RPTOR: variants seen among roughly 807,000 people sequenced by gnomAD.
RPTOR encodes regulatory associated protein of MTOR complex 1.
In RPTOR, 21 loss-of-function variants were observed where a neutral mutation model predicts 169.9. The observed-to-expected ratio is 0.12, with a 90% CI of 0.09 to 0.18. RPTOR has a LOEUF of 0.18. Ranked by LOEUF, RPTOR falls within the 10% of genes least tolerant of loss-of-function variation. The pLI is 1.00. For synonymous variants in RPTOR, 732 were observed against 753.2 expected (o/e 0.97, Z 0.46); for missense variants, 1,133 against 1,855.9 (o/e 0.61, Z 7.16).
intron 11 of RPTOR, 95 bp downstream of exon 11, chr17:80,846,669 C>G: frequency 9.8e-7 from 1 of 1,018,854 alleles, no homozygotes; most frequent in Non-Finnish European, 1.5e-6. Context: ...TCTCCCTGAG[C>G]CCTGTGGGTC....
At chr17:80,666,618 TTCTAAG>T (rs1357500576) in intron 3 of RPTOR, among the ~76,000 whole-genome samples, 1 of 152,162 alleles carries the variant, frequency 6.6e-6, no homozygotes, top group Non-Finnish European at 1.5e-5. Flanking sequence ...TGGCAAAGAA[TTCTAAG>T]TCTGATAGGG....
At chr17:80,625,048 A>C (rs1267746592) in intron 1 of RPTOR, among the ~76,000 whole-genome samples, 1 of 152,212 alleles carries the variant, frequency 6.6e-6, no homozygotes, top group Non-Finnish European at 1.5e-5. Flanking sequence ...AGAGCCGGCC[A>C]GGTGACCCGG....
chr17:80,573,210 C>G (rs889174865), intron 1 of RPTOR, among the ~76,000 whole-genome samples: 1 of 152,154 alleles, frequency 6.6e-6, no homozygotes, highest in Non-Finnish European at 1.5e-5. Context: ...GAAGGAAGCA[C>G]TTGTTTTTCT....
At chr17:80,883,001 C>T (rs1598376118) in intron 14 of RPTOR, among the ~76,000 whole-genome samples, 1 of 152,202 alleles carries the variant, frequency 6.6e-6, no homozygotes, top group Non-Finnish European at 1.5e-5. Context: ...AAGGAGAAAC[C>T]AGTGAAACCT....
Position 80,651,590 on chromosome 17 carries a change from G to A in RPTOR, c.348+7780G>A, listed in dbSNP as rs148530994. Among the ~76,000 whole-genome samples, 228 of 152,344 alleles carry A rather than the reference G, an allele frequency of 1.5e-3. No individual in the cohort carries two copies. The highest frequency in any genetic ancestry group is 5.3e-3 in the African/African-American group (220 of 41,586). ...AACGTCAAGTTCACCATTTTAAAGTGTACAACTTGGCTGGGCGCAGTGGCT... is the reference window on the plus strand; with the variant it reads ...AACGTCAAGTTCACCATTTTAAAGTATACAACTTGGCTGGGCGCAGTGGCT... On this transcript the variant is annotated intron_variant, in intron 3 of 33. Transcript: ENST00000306801. The surrounding 1 kb of genome is among the most constrained non-coding windows in gnomAD (Gnocchi z 4.1).
chr17:80,572,757 T>C (rs1278429740), intron 1 of RPTOR, among the ~76,000 whole-genome samples: 1 of 152,124 alleles, frequency 6.6e-6, no homozygotes, highest in Admixed American at 6.6e-5. Flanking sequence ...AATCTCAAAA[T>C]CTTTCCACTC....
intron 3 of RPTOR, among the ~76,000 whole-genome samples, chr17:80,706,807 G>T (rs552297663): frequency 6.6e-6 from 1 of 152,166 alleles, no homozygotes; most frequent in East Asian, 1.9e-4. Context: ...TGAATTAAAC[G>T]AGCGAGAGCT....
chr17:80,707,832 CT>C lies in RPTOR; in HGVS notation c.349-8del, dbSNP rs778562711. On this transcript the variant is annotated splice_polypyrimidine_tract_variant and splice_region_variant and intron_variant, in intron 3 of 33. Transcript: ENST00000306801. The surrounding 1 kb of genome is among the most constrained non-coding windows in gnomAD (Gnocchi z 5.0). ...GTGGTAAATTTCTTCATTTCTTCTC[CT>C]GCAACAGGCCCGGTACAAGCAGAGC... is the stretch of plus-strand genomic sequence containing the variant. 5.0e-6 allele frequency: 8 copies of C among 1,606,994 alleles called. No homozygotes were observed. The African/African-American group carries it at 1.1e-4, about 22-fold the overall frequency.
At chr17:80,554,506 G>T (rs1034607505) in intron 1 of RPTOR, among the ~76,000 whole-genome samples, 1 of 152,060 alleles carries the variant, frequency 6.6e-6, no homozygotes, top group Non-Finnish European at 1.5e-5. Flanking sequence ...CACTTTGGGA[G>T]ACTGAGGCGG....
chr17:80,914,085 A>G (rs1169971462), intron 21 of RPTOR, among the ~76,000 whole-genome samples: 1 of 152,220 alleles, frequency 6.6e-6, no homozygotes, highest in Admixed American at 6.5e-5. Context: ...GCAGACGGAG[A>G]TGAGAAAGGG....
Position 80,823,820 on chromosome 17 carries a change from C to T in RPTOR, c.1136+597C>T, listed in dbSNP as rs1403133405. ...TTAGTCTAGACATTATATTTGAAGACGTTTGGTTTCTTTCTGTTCTGTGGC... is the reference window on the plus strand; with the variant it reads ...TTAGTCTAGACATTATATTTGAAGATGTTTGGTTTCTTTCTGTTCTGTGGC... On this transcript the variant is annotated intron_variant, in intron 9 of 33. Coordinates refer to ENST00000306801, the MANE Select transcript of RPTOR (RefSeq NM_020761.3). The surrounding 1 kb of genome is among the most constrained non-coding windows in gnomAD (Gnocchi z 4.5). Among the ~76,000 whole-genome samples the T allele has an allele frequency of 6.6e-6, 1 of 152,092 alleles. No homozygotes were observed. Among genetic ancestry groups the T allele is most frequent in the East Asian group, 1.9e-4 (1 of 5,194 alleles).
intron 1 of RPTOR, among the ~76,000 whole-genome samples, chr17:80,600,837 T>C (rs1341796148): frequency 3.3e-5 from 5 of 151,922 alleles, no homozygotes; most frequent in East Asian, 1.9e-4. Flanking sequence ...TTTCCAGAGA[T>C]GACCGCAGCA....
At position 80,861,407 on chromosome 17, in the gene RPTOR, T is replaced by G. The variant is rs563203897; in HGVS notation, c.1509+3507T>G. 1.4e-5 allele frequency among the ~76,000 whole-genome samples: 2 copies of G among 145,124 alleles called. No individual in the cohort carries two copies. The highest frequency in any genetic ancestry group is 4.0e-4 in the East Asian group (2 of 5,048). On this transcript the variant is annotated intron_variant, in intron 13 of 33. Coordinates refer to ENST00000306801, the MANE Select transcript of RPTOR (RefSeq NM_020761.3). This position sits in a 1 kb window ranked among gnomAD's most constrained non-coding sequence, Gnocchi z 4.5. ...TTTCTTGCTAAACAGAAAGCTTGGC[T>G]TTGTGGATCAGGACGCGAGAGGTGT... is the stretch of plus-strand genomic sequence containing the variant.
In RPTOR at chr17:80,764,370, T is replaced by G. The variant is rs532203685; in HGVS notation, c.830+10185T>G. On this transcript the variant is annotated intron_variant, in intron 6 of 33. Coordinates refer to ENST00000306801, the MANE Select transcript of RPTOR (RefSeq NM_020761.3). ...TGTTCCCCTTCCTGTGTCCATGTGT[T>G]CTCATTGTTCAGTTCCCACCTATGA... Among the ~76,000 whole-genome samples the G allele has an allele frequency of 2.8e-5, 4 of 144,094 alleles. No individual in the cohort carries two copies. The South Asian group carries it at 6.6e-4, about 24-fold the overall frequency. 94.5% of individuals were successfully genotyped at this position (144,094 alleles called of 152,430 possible).
In RPTOR at chr17:80,936,518, T is replaced by A. The variant is rs1307560411; in HGVS notation, c.2920-3978T>A. Among the ~76,000 whole-genome samples, 1 of 152,150 alleles carries A rather than the reference T, an allele frequency of 6.6e-6. No individual in the cohort carries two copies. The highest frequency in any genetic ancestry group is 2.4e-5 in the African/African-American group (1 of 41,434). ...AATGAAAGACTCATCAGAACAATAT[T>A]TAAATAAACTATTGATAAACGCAGT... On this transcript the variant is annotated intron_variant, in intron 24 of 33. Coordinates refer to ENST00000306801, the MANE Select transcript of RPTOR (RefSeq NM_020761.3). This position sits in a 1 kb window ranked among gnomAD's most constrained non-coding sequence, Gnocchi z 4.1.
chr17:80,644,741 C>T (rs572989595), intron 3 of RPTOR, among the ~76,000 whole-genome samples: 2 of 152,284 alleles, frequency 1.3e-5, no homozygotes, highest in Non-Finnish European at 2.9e-5. Flanking sequence ...ATTCCTTATA[C>T]ATTATTTACA....
At position 80,860,132 on chromosome 17, in the gene RPTOR, C is replaced by T. The variant is rs907226577; in HGVS notation, c.1509+2232C>T. 5.9e-5 allele frequency among the ~76,000 whole-genome samples: 9 copies of T among 152,194 alleles called. No homozygotes were observed. Among genetic ancestry groups the T allele is most frequent in the African/African-American group, 1.2e-4 (5 of 41,438 alleles). On this transcript the variant is annotated intron_variant, in intron 13 of 33. Transcript: ENST00000306801. This position sits in a 1 kb window ranked among gnomAD's most constrained non-coding sequence, Gnocchi z 5.8. ...GCCCCCGGGGCTCCTGCCTGCTGCC[C>T]GGCGCTCCCCAGGCCACATTCTGTC...
chr17:80,609,307 C>T lies in RPTOR; in HGVS notation c.163-16384C>T, dbSNP rs1201501569. On this transcript the variant is annotated intron_variant, in intron 1 of 33. Coordinates refer to ENST00000306801, the MANE Select transcript of RPTOR (RefSeq NM_020761.3). This position sits in a 1 kb window ranked among gnomAD's most constrained non-coding sequence, Gnocchi z 4.8. ...CGCTCTGTCCAGGAACTGCAGTAAA[C>T]GTTCTAGCTGTTAATATTCTTCCTT... is the stretch of plus-strand genomic sequence containing the variant. Among the ~76,000 whole-genome samples the T allele has an allele frequency of 6.6e-5, 10 of 152,186 alleles. No homozygotes were observed. The highest frequency in any genetic ancestry group is 6.5e-5 in the Admixed American group (1 of 15,270).
intron 2 of RPTOR, among the ~76,000 whole-genome samples, chr17:80,631,685 T>C (rs964739281): frequency 2.0e-5 from 3 of 152,234 alleles, no homozygotes; most frequent in Non-Finnish European, 4.4e-5. Context: ...AAAGCAGAAG[T>C]TCCCTTTATT....
Sources: gnomAD v4.1 joint callset for allele counts (sites outside exome capture counted in the v4.1 genomes callset) on GRCh38, gnomAD v4.1.1 for gene constraint, Gnocchi (gnomAD v3.1) non-coding constraint, MANE v1.5 for transcripts, NCBI Gene and HGNC (gene_info 2026-07-23, HGNC 2026-07-21) for gene names.